EPHA6: variants seen among roughly 807,000 people sequenced by gnomAD.
EPHA6 encodes ephrin type-A receptor 6.
A neutral mutation model predicts 112.0 loss-of-function variants in EPHA6; 50 were observed. The ratio of observed to expected loss-of-function variants is 0.45; its 90% CI spans 0.36 to 0.56. EPHA6 has a LOEUF of 0.56. EPHA6 is among the 20% of genes least tolerant of loss of function. The probability of loss-of-function intolerance (pLI) is 0.00; values close to 1 mark genes in which losing one functional copy is unlikely to be tolerated. For synonymous variants in EPHA6, 529 were observed against 490.7 expected, an observed-to-expected ratio of 1.08 and a Z score of -1.03; for missense variants, 1,280 against 1,417.4, an observed-to-expected ratio of 0.90 and a Z score of 1.56.
At chr3:97,062,439 A>G (rs970042796) in intron 3 of EPHA6, among the ~76,000 whole-genome samples, 5 of 152,220 alleles carry the variant, frequency 3.3e-5, no homozygotes, top group Non-Finnish European at 7.3e-5. Flanking sequence ...ATATCTGACC[A>G]AGGTCTAACA....
chr3:97,488,584 A>C (rs1401974947), intron 10 of EPHA6, among the ~76,000 whole-genome samples: 1 of 152,160 alleles, frequency 6.6e-6, no homozygotes, highest in African/African-American at 2.4e-5. Context: ...TTTGTCTTTT[A>C]CACTTGTGTT....
At chr3:97,663,476 G>A (rs931347842) in intron 14 of EPHA6, among the ~76,000 whole-genome samples, 2 of 149,034 alleles carry the variant, frequency 1.3e-5, no homozygotes, top group African/African-American at 2.5e-5. Flanking sequence ...TAATGCTATC[G>A]CTCCCCCCTC....
intron 2 of EPHA6, among the ~76,000 whole-genome samples, chr3:96,873,015 A>G (rs2036724289): frequency 6.6e-6 from 1 of 151,828 alleles, no homozygotes; most frequent in African/African-American, 2.4e-5. Flanking sequence ...CTGCTTCCTT[A>G]AATTATGATT....
In EPHA6 at chr3:97,413,437, T is replaced by G. The variant is rs371619350; in HGVS notation, c.1731+8163T>G. On this transcript the variant is annotated intron_variant, in intron 6 of 17. Coordinates refer to ENST00000389672, the MANE Select transcript of EPHA6 (RefSeq NM_001080448.3). ...GAAGGAGGGTAGGAAGTGAGGCAGATCGTTACATTCGTGTGAGGCTCTGAT... is the reference window on the plus strand; with the variant it reads ...GAAGGAGGGTAGGAAGTGAGGCAGAGCGTTACATTCGTGTGAGGCTCTGAT... Among the ~76,000 whole-genome samples, 35 of 151,964 alleles carry G rather than the reference T, an allele frequency of 2.3e-4. No homozygotes were observed. The East Asian group carries it at 5.8e-3, about 25-fold the overall frequency.
chr3:96,984,635 T>A (rs1342501864), intron 2 of EPHA6, among the ~76,000 whole-genome samples: 5 of 152,222 alleles, frequency 3.3e-5, no homozygotes, highest in African/African-American at 1.2e-4. Flanking sequence ...TGTTTGTCTA[T>A]GCCCTGCCCC....
chr3:97,448,846 G>A lies in EPHA6; in HGVS notation c.1894+116G>A, dbSNP rs78663558. 1.8e-3 allele frequency: 1,671 copies of A among 945,292 alleles called. 27 individuals carry two copies. In the East Asian group the frequency reaches 0.037, roughly 21 times the overall value. The allele number at this position is 945,292 out of a possible 1,614,324, so 58.6% of individuals were successfully genotyped here. A position where few individuals can be genotyped will look rare whatever the true frequency, so the allele number is the denominator to read the frequency against. On this transcript the variant is annotated intron_variant, in intron 7 of 17. Transcript: ENST00000389672. ...TAATAGCTTGTTTAAATGAGATTTT[G>A]TTCATGTAAATACTCATACAGTCAT...
intron 14 of EPHA6, among the ~76,000 whole-genome samples, chr3:97,667,144 C>T (rs1293529233): frequency 6.6e-6 from 1 of 152,178 alleles, no homozygotes; most frequent in Non-Finnish European, 1.5e-5. Context: ...AGTTTGATTG[C>T]ATGCATTCAT....
chr3:96,876,357 T>C (rs2036949226), intron 2 of EPHA6, among the ~76,000 whole-genome samples: 1 of 151,840 alleles, frequency 6.6e-6, no homozygotes, highest in Non-Finnish European at 1.5e-5. Flanking sequence ...TCAGCCTATA[T>C]CATCAGCTTC....
intron 3 of EPHA6, among the ~76,000 whole-genome samples, chr3:97,222,270 A>T (rs1194603849): frequency 6.6e-6 from 1 of 152,154 alleles, no homozygotes; most frequent in African/African-American, 2.4e-5. Flanking sequence ...CTCAATAATA[A>T]TTTTCTAACA....
intron 5 of EPHA6, among the ~76,000 whole-genome samples, chr3:97,329,540 T>C (rs1342771415): frequency 1.3e-5 from 2 of 151,118 alleles, no homozygotes; most frequent in African/African-American, 2.5e-5. Context: ...CTCATTGTGG[T>C]TTTGATTTGC....
At chr3:97,236,391 A>T (rs986989622) in intron 4 of EPHA6, among the ~76,000 whole-genome samples, 2 of 152,032 alleles carry the variant, frequency 1.3e-5, no homozygotes, top group Non-Finnish European at 2.9e-5. Flanking sequence ...CCATGGTCTT[A>T]GCACTTTTAC....
At chr3:97,150,154 TA>T (rs147523017) in intron 3 of EPHA6, among the ~76,000 whole-genome samples, 3 of 151,954 alleles carry the variant, frequency 2.0e-5, no homozygotes, top group African/African-American at 7.2e-5. Flanking sequence ...CTGTTCTAGT[TA>T]AAAAATTGAT....
chr3:96,856,228 G>C (rs115306280), intron 1 of EPHA6, among the ~76,000 whole-genome samples: 1,572 of 151,590 alleles, frequency 0.01, 25 homozygotes, highest in African/African-American at 0.036. Context: ...TGACAGAGGA[G>C]ACCCTGTCTC....
chr3:97,633,114 C>T (rs1478312523), intron 13 of EPHA6, among the ~76,000 whole-genome samples: 1 of 152,038 alleles, frequency 6.6e-6, no homozygotes, highest in Non-Finnish European at 1.5e-5. Flanking sequence ...ATTTACTGCT[C>T]AGATCTGGGG....
At chr3:97,496,651 G>T (rs958908380) in intron 10 of EPHA6, among the ~76,000 whole-genome samples, 10 of 152,026 alleles carry the variant, frequency 6.6e-5, no homozygotes, top group African/African-American at 2.4e-4. Flanking sequence ...AGGTGAATTT[G>T]GCTGTGTTCC....
At chr3:97,599,042 T>G (rs1394617854) in intron 12 of EPHA6, among the ~76,000 whole-genome samples, 1,821 of 152,250 alleles carry the variant, frequency 0.012, 38 homozygotes, top group African/African-American at 0.041. Context: ...TTTCATGTGT[T>G]TTTTGGCTGC....
At chr3:96,957,837 C>T (rs1395453937) in intron 2 of EPHA6, among the ~76,000 whole-genome samples, 1 of 152,006 alleles carries the variant, frequency 6.6e-6, no homozygotes, top group Non-Finnish European at 1.5e-5. Flanking sequence ...AATTATATGA[C>T]TGTATTACAT....
chr3:96,827,389 GTAT>G (rs1216158573), intron 1 of EPHA6, among the ~76,000 whole-genome samples: 3 of 151,906 alleles, frequency 2.0e-5, no homozygotes, highest in African/African-American at 7.2e-5. Flanking sequence ...GGAACAATGT[GTAT>G]TATTCTTTTT....
chr3:97,729,174 C>G (rs1193977135), intron 15 of EPHA6, among the ~76,000 whole-genome samples: 1 of 151,872 alleles, frequency 6.6e-6, no homozygotes, highest in Non-Finnish European at 1.5e-5. Flanking sequence ...CACTGTAACG[C>G]CTTTTTTCTA....
Sources: allele counts gnomAD v4.1 joint callset (sites outside exome capture counted in the v4.1 genomes callset), GRCh38; gene constraint gnomAD v4.1.1; transcripts MANE v1.5; gene names NCBI Gene and HGNC (gene_info 2026-07-23, HGNC 2026-07-21).